LNPEP: variants seen among roughly 807,000 people sequenced by gnomAD.
LNPEP encodes leucyl and cystinyl aminopeptidase.
Under a neutral mutation model 120.6 loss-of-function variants are expected in LNPEP, and 64 were observed. That is an observed-to-expected ratio of 0.53 (90% CI 0.43 to 0.65). The LOEUF (loss-of-function observed/expected upper bound fraction) is 0.65, where lower values mean the gene tolerates loss of function less well. Among genes scored for constraint, LNPEP ranks in the 30% least tolerant of loss-of-function variants. The pLI is 0.00. For synonymous variants in LNPEP, 435 were observed against 425.4 expected, an observed-to-expected ratio of 1.02 and a Z score of -0.28; for missense variants, 1,057 against 1,200.0, an observed-to-expected ratio of 0.88 and a Z score of 1.76.
intron 1 of LNPEP, among the ~76,000 whole-genome samples, chr5:96,944,035 T>A (rs1789122465): frequency 6.6e-6 from 1 of 152,146 alleles, no homozygotes; most frequent in Non-Finnish European, 1.5e-5. Flanking sequence ...CTCTATGGGT[T>A]GGGTGTGCTC....
intron 9 of LNPEP, among the ~76,000 whole-genome samples, chr5:97,005,734 T>A (rs1286617914): frequency 1.3e-5 from 2 of 152,212 alleles, no homozygotes; most frequent in Non-Finnish European, 2.9e-5. Context: ...GAAAGAATAC[T>A]TATACCTTCT....
rs767019217 is a variant in LNPEP at position 97,006,540 on chromosome 5, T to C, written c.2035+25T>C. 1.9e-5 allele frequency: 22 copies of C among 1,186,798 alleles called. No homozygotes were observed. The Admixed American group carries it at 2.8e-4, about 15-fold the overall frequency. 73.5% of individuals were successfully genotyped at this position (1,186,798 alleles called of 1,614,324 possible). ...GGTTTGACTATAATGACAGTTCTGA[T>C]TGGAAATGGCATAATTTTAAAAATC... On this transcript the variant is annotated intron_variant, in intron 11 of 17. Transcript: ENST00000231368.
intron 15 of LNPEP, 51 bp downstream of exon 15, chr5:97,024,733 A>C: frequency 6.6e-7 from 1 of 1,521,026 alleles, no homozygotes; most frequent in Non-Finnish European, 9.0e-7. Flanking sequence ...GAATACAAAC[A>C]CTGTGCTCTT....
At chr5:97,005,870 A>G (rs1561449440) in intron 9 of LNPEP, among the ~76,000 whole-genome samples, 3 of 152,116 alleles carry the variant, frequency 2.0e-5, no homozygotes, top group Non-Finnish European at 4.4e-5. Flanking sequence ...TCCAGGTTAC[A>G]TTCCTTTTAG....
rs1021633083 is a variant in LNPEP, at chr5:97,031,541, C to G, written c.*3008C>G. 1 of 152,176 alleles carries G rather than the reference C, an allele frequency of 6.6e-6. No homozygotes were observed. Among genetic ancestry groups the G allele is most frequent in the Non-Finnish European group, 1.5e-5 (1 of 68,032 alleles). 9.4% of individuals were successfully genotyped at this position (152,176 alleles called of 1,614,324 possible). A position where few individuals can be genotyped will look rare whatever the true frequency, so the allele number is the denominator to read the frequency against. Reference sequence around the variant, plus strand: ...TCCTGGGTGTACAGAGCAAATCAAGCTGCATCAGTATTATAGGATACCAAA... The same window carrying G: ...TCCTGGGTGTACAGAGCAAATCAAGGTGCATCAGTATTATAGGATACCAAA... On this transcript the variant is annotated 3_prime_UTR_variant, in exon 18 of 18. Coordinates refer to ENST00000231368, the MANE Select transcript of LNPEP (RefSeq NM_005575.3).
chr5:96,948,802 CT>C (rs983214964), intron 1 of LNPEP, among the ~76,000 whole-genome samples: 2 of 152,072 alleles, frequency 1.3e-5, no homozygotes, highest in African/African-American at 2.4e-5. Flanking sequence ...AGCTTTTTTT[CT>C]TTTTTTCCAT....
intron 11 of LNPEP, among the ~76,000 whole-genome samples, chr5:97,010,073 A>C (rs1340990640): frequency 6.6e-6 from 1 of 152,096 alleles, no homozygotes; most frequent in East Asian, 1.9e-4. Context: ...TCCTTTTCTC[A>C]CATACATGAG....
At chr5:97,016,767 A>T (rs1203242745) in intron 13 of LNPEP, among the ~76,000 whole-genome samples, 1 of 152,170 alleles carries the variant, frequency 6.6e-6, no homozygotes, top group Non-Finnish European at 1.5e-5. Context: ...ATGACTTTTT[A>T]AAACAATATT....
In LNPEP at chr5:96,979,858, C is replaced by T. The variant is rs1192974091; in HGVS notation, c.740C>T (p.Ala247Val). The change falls in exon 2 of 18, where the codon GCC (alanine) becomes GTC (valine). Residue 247 changes from alanine to valine, a missense_variant. Transcript: ENST00000231368. ...TATCATGGACAGATCGCCATTGTTG[C>T]CCCCGAAGCCCTTCTAGCAGGGCAC... ...YAYHGQIAIV[A>V]PEALLAGHNY... 4 of 1,613,970 alleles carry T rather than the reference C, an allele frequency of 2.5e-6. No homozygotes were observed. The highest frequency in any genetic ancestry group is 3.4e-6 in the Non-Finnish European group (4 of 1,179,928).
At chr5:97,020,522 G>T (rs1791167649) in intron 13 of LNPEP, among the ~76,000 whole-genome samples, 1 of 152,150 alleles carries the variant, frequency 6.6e-6, no homozygotes, top group Non-Finnish European at 1.5e-5. Context: ...CCTAAAAACG[G>T]CCAGGTATGG....
Position 96,952,008 on chromosome 5 carries a change from AT to A in LNPEP, c.19+15842del, listed in dbSNP as rs146126614. ...TTAGAATCTCCTTTACACTCTTAAA[AT>A]TTTTTTTATCGAGGACCCCTAAGAG... is the stretch of plus-strand genomic sequence containing the variant. On this transcript the variant is annotated intron_variant, in intron 1 of 17. Coordinates refer to ENST00000231368, the MANE Select transcript of LNPEP (RefSeq NM_005575.3). 9.1e-3 allele frequency among the ~76,000 whole-genome samples: 1,385 copies of A among 151,998 alleles called. 31 individuals carry two copies. The highest frequency in any genetic ancestry group is 0.067 in the East Asian group (345 of 5,168).
chr5:96,956,626 T>C (rs956847651), intron 1 of LNPEP, among the ~76,000 whole-genome samples: 1 of 152,260 alleles, frequency 6.6e-6, no homozygotes. Context: ...ATTTTGTGTC[T>C]TGGTTTTCTA....
chr5:96,975,938 T>C (rs1032732674), intron 1 of LNPEP, among the ~76,000 whole-genome samples: 2 of 152,170 alleles, frequency 1.3e-5, no homozygotes, highest in African/African-American at 4.8e-5. Context: ...TATTTAAAAC[T>C]GAAACATTTC....
chr5:96,990,661 A>G (rs939754313), intron 4 of LNPEP, among the ~76,000 whole-genome samples: 6 of 152,142 alleles, frequency 3.9e-5, no homozygotes, highest in Non-Finnish European at 4.4e-5. Context: ...TCCCCATTTT[A>G]TGGATAAGGA....
chr5:97,012,119 A>C (rs184225183), intron 11 of LNPEP, among the ~76,000 whole-genome samples: 7 of 152,316 alleles, frequency 4.6e-5, no homozygotes, highest in Non-Finnish European at 4.4e-5. Flanking sequence ...AACAGCCTAA[A>C]TTGTTCAAAA....
At chr5:97,006,940 G>A (rs142409273) in intron 11 of LNPEP, among the ~76,000 whole-genome samples, 1 of 152,234 alleles carries the variant, frequency 6.6e-6, no homozygotes, top group Non-Finnish European at 1.5e-5. Flanking sequence ...AGAGTAAATA[G>A]TTATTGCAAT....
At chr5:96,954,677 C>CAT (rs761522267) in intron 1 of LNPEP, among the ~76,000 whole-genome samples, 711 of 57,106 alleles carry the variant, frequency 0.012, 194 homozygotes, top group Middle Eastern at 0.046. Flanking sequence ...CATATATACA[C>CAT]ATATATACAT....
rs1212827912 is a variant in LNPEP at position 97,030,050 on chromosome 5, T to TCA, written c.*1519_*1520dup. On this transcript the variant is annotated 3_prime_UTR_variant, in exon 18 of 18. Coordinates refer to ENST00000231368, the MANE Select transcript of LNPEP (RefSeq NM_005575.3). ...CCACAGAGTCAGACAGTGGGAAAGG[T>TCA]CACCCTTTTTTTATTCGGCAGGTAT... The TCA allele has an allele frequency of 6.6e-6, 1 of 152,092 alleles. No individual in the cohort carries two copies. Among genetic ancestry groups the TCA allele is most frequent in the African/African-American group, 2.4e-5 (1 of 41,444 alleles). 9.4% of individuals were successfully genotyped at this position (152,092 alleles called of 1,614,324 possible).
intron 1 of LNPEP, among the ~76,000 whole-genome samples, chr5:96,969,066 G>C (rs1789797767): frequency 6.6e-6 from 1 of 152,024 alleles, no homozygotes; most frequent in Non-Finnish European, 1.5e-5. Context: ...CCTCAGAATT[G>C]TGATTACCTC....
Sources: allele counts gnomAD v4.1 joint callset (sites outside exome capture counted in the v4.1 genomes callset), GRCh38; gene constraint gnomAD v4.1.1; transcripts MANE v1.5; gene names NCBI Gene and HGNC (gene_info 2026-07-23, HGNC 2026-07-21).